IGSF3: variants seen among roughly 807,000 people sequenced by gnomAD.
IGSF3 encodes the protein glu-Trp-Ile EWI motif-containing protein 3.
In IGSF3, 23 loss-of-function variants were observed where a neutral mutation model predicts 114.4. The ratio of observed to expected loss-of-function variants is 0.20; its 90% CI spans 0.14 to 0.28. IGSF3 has a LOEUF of 0.28. Ranked by LOEUF, IGSF3 falls within the 10% of genes least tolerant of loss-of-function variation. The pLI is 1.00. For synonymous variants in IGSF3, 571 were observed against 645.2 expected, an observed-to-expected ratio of 0.88 and a Z score of 1.74; for missense variants, 1,172 against 1,591.5, an observed-to-expected ratio of 0.74 and a Z score of 4.48.
rs765113070 is a variant in IGSF3 at position 116,600,227 on chromosome 1, T to A, written c.1743A>T (p.Thr581=). The change falls in exon 7 of 11, where the codon ACA becomes ACT. Residue 581 remains threonine (T), a synonymous_variant. Transcript: ENST00000369486. The surrounding 1 kb of genome is among the most constrained non-coding windows in gnomAD (Gnocchi z 5.5). ...HYPAWVPVSV[T]WRFQPVGTVE... ...CCGTGCCCACCGGCTGGAACCGCCA[T>A]GTCACCGACACGGGGACCCAGGCAG... The A allele has an allele frequency of 1.2e-6, 2 of 1,614,230 alleles. No individual in the cohort carries two copies. Among genetic ancestry groups the A allele is most frequent in the Middle Eastern group, 3.3e-4 (2 of 6,048 alleles).
rs1473715299 is a variant in IGSF3 at position 116,636,093 on chromosome 1, C to T, written c.44-19636G>A. 6.6e-6 allele frequency among the ~76,000 whole-genome samples: 1 copy of T among 152,180 alleles called. No individual in the cohort carries two copies. The highest frequency in any genetic ancestry group is 1.5e-5 in the Non-Finnish European group (1 of 68,026). On this transcript the variant is annotated intron_variant, in intron 2 of 10. Transcript: ENST00000369486. The surrounding 1 kb of genome is among the most constrained non-coding windows in gnomAD (Gnocchi z 4.5). ...CAACTGTCTTCCTCACAGGTGCCAG[C>T]CATCACCCCGACCACACCCTCTCAA... is the stretch of plus-strand genomic sequence containing the variant.
chr1:116,583,555 G>A lies in IGSF3; in HGVS notation c.2848+1090C>T, dbSNP rs1640323890. Among the ~76,000 whole-genome samples the A allele has an allele frequency of 6.6e-6, 1 of 152,156 alleles. No homozygotes were observed. Among genetic ancestry groups the A allele is most frequent in the Non-Finnish European group, 1.5e-5 (1 of 68,040 alleles). On this transcript the variant is annotated intron_variant, in intron 9 of 10. Coordinates refer to ENST00000369486, the MANE Select transcript of IGSF3 (RefSeq NM_001007237.3). This position sits in a 1 kb window ranked among gnomAD's most constrained non-coding sequence, Gnocchi z 4.5. ...CAATATTCCACCAACGAAATGAGCT[G>A]CTCTACTCAGACATGAAGACATGGT...
In IGSF3 at chr1:116,579,666, GTCCTCCTCC is replaced by G. The variant is rs56982445; in HGVS notation, c.3051_3059del (p.Glu1017_Glu1019del). ...CTGTTGGGTCGTCGTCGTCGTCGTCGTCCTCCTCCTCCTCCTCCTCCCTTTCCTCTTCCT... is the reference window on the plus strand; with the variant it reads ...CTGTTGGGTCGTCGTCGTCGTCGTCGTCCTCCTCCTCCCTTTCCTCTTCCT... On this transcript the variant is annotated inframe_deletion, in exon 10 of 11. Coordinates refer to ENST00000369486, the MANE Select transcript of IGSF3 (RefSeq NM_001007237.3). This position sits in a 1 kb window ranked among gnomAD's most constrained non-coding sequence, Gnocchi z 6.4. 6.3e-7 allele frequency: 1 copy of G among 1,594,050 alleles called. No homozygotes were observed. The highest frequency in any genetic ancestry group is 1.1e-5 in the South Asian group (1 of 89,620).
chr1:116,617,400 C>T (rs1056383761), intron 2 of IGSF3: 15 of 984,066 alleles, frequency 1.5e-5, no homozygotes, highest in African/African-American at 3.5e-5. Flanking sequence ...CTCTTCATTT[C>T]GGCAGTGGTC....
rs1307772129 is a variant in IGSF3, at chr1:116,607,681, CAGAT to C, written c.1222+257_1222+260del. On this transcript the variant is annotated intron_variant, in intron 5 of 10. Transcript: ENST00000369486. This position sits in a 1 kb window ranked among gnomAD's most constrained non-coding sequence, Gnocchi z 6.1. ...GTGTATGCACAGGGCTGCTAGCAAT[CAGAT>C]AGGCCTATGCCCAGCCCTAGACTGC... Among the ~76,000 whole-genome samples the C allele has an allele frequency of 1.3e-5, 2 of 152,172 alleles. No homozygotes were observed. The highest frequency in any genetic ancestry group is 2.9e-5 in the Non-Finnish European group (2 of 68,034).
Position 116,666,558 on chromosome 1 carries a change from A to T in IGSF3, c.-232T>A. The T allele has an allele frequency of 1.7e-6, 1 of 599,340 alleles. No individual in the cohort carries two copies. 37.1% of individuals were successfully genotyped at this position (599,340 alleles called of 1,614,324 possible). A position where few individuals can be genotyped will look rare whatever the true frequency, so the allele number is the denominator to read the frequency against. ...TATGCTACAGGAAGGGTCCACAACAATTCGGAAGTCGCTCCCGGCTCCTGC... is the reference window on the plus strand; with the variant it reads ...TATGCTACAGGAAGGGTCCACAACATTTCGGAAGTCGCTCCCGGCTCCTGC... On this transcript the variant is annotated 5_prime_UTR_variant, in exon 2 of 11. It adds an upstream start codon to the 5' untranslated region. Transcript: ENST00000369486.
Position 116,644,461 on chromosome 1 carries a change from G to A in IGSF3, c.43+21823C>T, listed in dbSNP as rs549787637. On this transcript the variant is annotated intron_variant, in intron 2 of 10. Transcript: ENST00000369486. The surrounding 1 kb of genome is among the most constrained non-coding windows in gnomAD (Gnocchi z 5.6). Reference sequence around the variant, plus strand: ...AGGCAGTGTCCCCACTGCCCCAGTGGCTTCTGCATGCAGGTTCATTTGGGA... The same window carrying A: ...AGGCAGTGTCCCCACTGCCCCAGTGACTTCTGCATGCAGGTTCATTTGGGA... Among the ~76,000 whole-genome samples the A allele has an allele frequency of 6.6e-6, 1 of 152,224 alleles. No homozygotes were observed. The highest frequency in any genetic ancestry group is 1.9e-4 in the East Asian group (1 of 5,192).
At position 116,650,117 on chromosome 1, in the gene IGSF3, T is replaced by C. The variant is rs183040759; in HGVS notation, c.43+16167A>G. 6.5e-3 allele frequency among the ~76,000 whole-genome samples: 995 copies of C among 152,328 alleles called. 5 individuals are homozygous for C. The highest frequency in any genetic ancestry group is 1.0e-2 in the Non-Finnish European group (677 of 68,032). ...ATGTGCTTTTTGATGATAATCTGAA[T>C]GGTACAAGAAGAAATCCTGTTTCAT... is the stretch of plus-strand genomic sequence containing the variant. On this transcript the variant is annotated intron_variant, in intron 2 of 10. Coordinates refer to ENST00000369486, the MANE Select transcript of IGSF3 (RefSeq NM_001007237.3). This position sits in a 1 kb window ranked among gnomAD's most constrained non-coding sequence, Gnocchi z 5.0.
At chr1:116,652,753 G>A (rs184370778) in intron 2 of IGSF3, among the ~76,000 whole-genome samples, 4 of 152,160 alleles carry the variant, frequency 2.6e-5, no homozygotes, top group African/African-American at 9.6e-5. Flanking sequence ...AAAATGTCAG[G>A]GAACACCACT....
Position 116,579,669 on chromosome 1 carries a change from C to T in IGSF3, c.3057G>A (p.Glu1019=). The T allele has an allele frequency of 6.5e-7, 1 of 1,527,608 alleles. No individual in the cohort carries two copies. Among genetic ancestry groups the T allele is most frequent in the Non-Finnish European group, 9.0e-7 (1 of 1,109,014 alleles). The allele number at this position is 1,527,608 out of a possible 1,614,324, so 94.6% of individuals were successfully genotyped here. ...QEEEREEEEE[E]DDDDDDDPTE... ...TTGGGTCGTCGTCGTCGTCGTCGTCCTCCTCCTCCTCCTCCTCCCTTTCCT... is the reference window on the plus strand; with the variant it reads ...TTGGGTCGTCGTCGTCGTCGTCGTCTTCCTCCTCCTCCTCCTCCCTTTCCT... The change falls in exon 10 of 11, where the codon GAG becomes GAA. Residue 1019 remains glutamate, a synonymous_variant. Coordinates refer to ENST00000369486, the MANE Select transcript of IGSF3 (RefSeq NM_001007237.3). The surrounding 1 kb of genome is among the most constrained non-coding windows in gnomAD (Gnocchi z 6.4).
At chr1:116,620,986 C>T (rs1394784313) in intron 2 of IGSF3, among the ~76,000 whole-genome samples, 2 of 152,080 alleles carry the variant, frequency 1.3e-5, no homozygotes, top group Non-Finnish European at 2.9e-5. Context: ...AATTATAATC[C>T]CCAATGTTAG....
rs1230872307 is a variant in IGSF3 at position 116,612,601 on chromosome 1, CA to C, written c.832+1163del. Among the ~76,000 whole-genome samples the C allele has an allele frequency of 6.6e-6, 1 of 152,234 alleles. No homozygotes were observed. Among genetic ancestry groups the C allele is most frequent in the East Asian group, 1.9e-4 (1 of 5,194 alleles). On this transcript the variant is annotated intron_variant, in intron 4 of 10. Transcript: ENST00000369486. This position sits in a 1 kb window ranked among gnomAD's most constrained non-coding sequence, Gnocchi z 4.1. ...CAAAGACCCAGACAACTGACTGCAGCAAATGGAACAGGGAGCCCAAGAGACA... is the reference window on the plus strand; with the variant it reads ...CAAAGACCCAGACAACTGACTGCAGCAATGGAACAGGGAGCCCAAGAGACA...
chr1:116,578,485 T>A (rs1040787909), intron 10 of IGSF3, among the ~76,000 whole-genome samples: 1 of 152,220 alleles, frequency 6.6e-6, no homozygotes, highest in East Asian at 1.9e-4. Flanking sequence ...ATGAAACTGC[T>A]GATAGTCCAC....
intron 2 of IGSF3, among the ~76,000 whole-genome samples, chr1:116,663,042 C>T (rs1221771448): frequency 6.6e-6 from 1 of 152,214 alleles, no homozygotes; most frequent in African/African-American, 2.4e-5. Flanking sequence ...CACAAATGAT[C>T]ATTTGCCATC....
chr1:116,608,935 A>C (rs2101472961), intron 4 of IGSF3, among the ~76,000 whole-genome samples: 1 of 152,174 alleles, frequency 6.6e-6, no homozygotes, highest in Middle Eastern at 3.4e-3. Flanking sequence ...GAAAAAATAA[A>C]AACTAATGTC....
Position 116,650,862 on chromosome 1 carries a change from C to T in IGSF3, c.43+15422G>A, listed in dbSNP as rs1648607525. On this transcript the variant is annotated intron_variant, in intron 2 of 10. Coordinates refer to ENST00000369486, the MANE Select transcript of IGSF3 (RefSeq NM_001007237.3). This position sits in a 1 kb window ranked among gnomAD's most constrained non-coding sequence, Gnocchi z 5.0. ...CATGAAATCCAAACAGATGCAAAAACGTTCTTAACACAGAAGGTTTGGGAA... is the reference window on the plus strand; with the variant it reads ...CATGAAATCCAAACAGATGCAAAAATGTTCTTAACACAGAAGGTTTGGGAA... 6.6e-6 allele frequency among the ~76,000 whole-genome samples: 1 copy of T among 152,328 alleles called. No individual in the cohort carries two copies. The highest frequency in any genetic ancestry group is 1.9e-4 in the East Asian group (1 of 5,186).
chr1:116,667,140 A>T (rs780596542), intron 1 of IGSF3, among the ~76,000 whole-genome samples, 184 bp from the exon 2 acceptor site: 127 of 152,288 alleles, frequency 8.3e-4, no homozygotes, highest in Non-Finnish European at 1.6e-3. Flanking sequence ...AGAGCAGGGC[A>T]ACAGTGGGAA....
rs765645128 is a variant in IGSF3, at chr1:116,584,625, T to C, written c.2848+20A>G. On this transcript the variant is annotated intron_variant, in intron 9 of 10. Transcript: ENST00000369486. The surrounding 1 kb of genome is among the most constrained non-coding windows in gnomAD (Gnocchi z 5.8). Reference sequence around the variant, plus strand: ...GGGAAACACCAGAGGGAGTGGAAGCTTGGGGACGTGGACCCTCACCTGGTC... The same window carrying C: ...GGGAAACACCAGAGGGAGTGGAAGCCTGGGGACGTGGACCCTCACCTGGTC... 1.1e-5 allele frequency: 17 copies of C among 1,613,406 alleles called. No individual in the cohort carries two copies. The highest frequency in any genetic ancestry group is 1.6e-4 in the Middle Eastern group (1 of 6,084).
rs1463563167 is a variant in IGSF3, at chr1:116,628,018, G to A, written c.44-11561C>T. Among the ~76,000 whole-genome samples, 1 of 152,176 alleles carries A rather than the reference G, an allele frequency of 6.6e-6. No homozygotes were observed. Among genetic ancestry groups the A allele is most frequent in the Non-Finnish European group, 1.5e-5 (1 of 68,030 alleles). ...CACTGCTGTGACCCTCTCAGCAGTG[G>A]AAGCACTAGCCAATGTGCCATCCTC... is the stretch of plus-strand genomic sequence containing the variant. On this transcript the variant is annotated intron_variant, in intron 2 of 10. Coordinates refer to ENST00000369486, the MANE Select transcript of IGSF3 (RefSeq NM_001007237.3). This position sits in a 1 kb window ranked among gnomAD's most constrained non-coding sequence, Gnocchi z 4.2.
Sources: allele counts gnomAD v4.1 joint callset (sites outside exome capture counted in the v4.1 genomes callset), GRCh38; gene constraint gnomAD v4.1.1; non-coding constraint Gnocchi (gnomAD v3.1); transcripts MANE v1.5; gene names NCBI Gene and HGNC (gene_info 2026-07-23, HGNC 2026-07-21).